Variants in PI4KB observed in about 807,000 individuals in gnomAD.
The protein encoded by PI4KB is phosphatidylinositol 4-kinase beta.
Under a neutral mutation model 81.4 loss-of-function variants are expected in PI4KB, and 23 were observed. That is an observed-to-expected ratio of 0.28 (90% CI 0.20 to 0.40). The LOEUF is 0.40. PI4KB is among the 10% of genes least tolerant of loss of function. The probability of loss-of-function intolerance (pLI) is 1.00; values close to 1 mark genes in which losing one functional copy is unlikely to be tolerated. For missense variants in PI4KB, 651 were observed against 1,036.6 expected, an observed-to-expected ratio of 0.63 and a Z score of 5.11; for synonymous variants, 381 against 406.8, an observed-to-expected ratio of 0.94 and a Z score of 0.76.
At position 151,306,301 on chromosome 1, in the gene PI4KB, A is replaced by G. The variant is rs376782190; in HGVS notation, c.1245T>C (p.Pro415=). ...GAATTCGGTTCTCGGGGATCCGGGC[A>G]GGGACACTGGTGGTGTCAAAGTTTT... is the stretch of plus-strand genomic sequence containing the variant. The part of the protein sequence containing the change: ...ECENFDTTSV[P]ARIPENRIRS... The change falls in exon 5 of 12, where the codon CCT becomes CCC. Residue 415 remains proline (P), a synonymous_variant. Coordinates refer to ENST00000368873, the MANE Select transcript of PI4KB (RefSeq NM_001369623.2). The G allele has an allele frequency of 1.6e-5, 26 of 1,614,074 alleles. No individual in the cohort carries two copies. In the African/African-American group the frequency reaches 2.4e-4, roughly 15 times the overall value.
chr1:151,318,323 C>T (rs939927460), intron 1 of PI4KB, among the ~76,000 whole-genome samples: 2 of 147,630 alleles, frequency 1.4e-5, no homozygotes, highest in Admixed American at 6.8e-5. Flanking sequence ...AGGCTGAGGC[C>T]GGAGAATTGC....
intron 11 of PI4KB, chr1:151,293,520 T>G (rs758555611): frequency 2.3e-5 from 19 of 828,360 alleles, no homozygotes; most frequent in Non-Finnish European, 3.1e-5. Flanking sequence ...AGACCTGGTA[T>G]ACACCTGGAG....
chr1:151,315,513 C>T lies in PI4KB; in HGVS notation c.909+60G>A, dbSNP rs2101990830. The T allele has an allele frequency of 2.7e-6, 3 of 1,102,320 alleles. No homozygotes were observed. The East Asian group carries it at 7.0e-5, about 26-fold the overall frequency. 68.3% of individuals were successfully genotyped at this position (1,102,320 alleles called of 1,614,324 possible). ...CGTAACCCTGTGTGTATATAGGAGG[C>T]ATCCTGTCTCCATGCAGCCCTCTAC... On this transcript the variant is annotated intron_variant, in intron 2 of 11. Transcript: ENST00000368873.
chr1:151,293,919 T>G, intron 11 of PI4KB, 99 bp downstream of exon 11: 1 of 1,368,382 alleles, frequency 7.3e-7, no homozygotes, highest in Non-Finnish European at 1.0e-6. Context: ...CCCCCCTCCC[T>G]CAACCGAGTC....
At chr1:151,299,611 A>T (rs1400912954) in intron 8 of PI4KB, among the ~76,000 whole-genome samples, 1 of 151,854 alleles carries the variant, frequency 6.6e-6, no homozygotes, top group East Asian at 1.9e-4. Flanking sequence ...AATCGCTTGA[A>T]CCCAGGAGGT....
chr1:151,302,286 C>T lies in PI4KB; in HGVS notation c.1533G>A (p.Ser511=), dbSNP rs370036822. The part of the protein sequence containing the change: ...IAAGDIRRRL[S]EQLAHTPTAF... ...CTGTCGGGGTATGAGCCAGCTGTTCCGAAAGGCGCCGGCTGGCAGGAAGAA... is the reference window on the plus strand; with the variant it reads ...CTGTCGGGGTATGAGCCAGCTGTTCTGAAAGGCGCCGGCTGGCAGGAAGAA... The change falls in exon 7 of 12, where the codon TCG becomes TCA. Residue 511 remains serine (S), a synonymous_variant. Coordinates refer to ENST00000368873, the MANE Select transcript of PI4KB (RefSeq NM_001369623.2). 8.7e-5 allele frequency: 141 copies of T among 1,613,852 alleles called. No homozygotes were observed. The highest frequency in any genetic ancestry group is 3.8e-4 in the South Asian group (35 of 91,078).
chr1:151,318,660 C>T (rs1302956752), intron 1 of PI4KB, among the ~76,000 whole-genome samples: 2 of 151,892 alleles, frequency 1.3e-5, no homozygotes, highest in Non-Finnish European at 1.5e-5. Context: ...TGTGGTGAGC[C>T]GAGATCGCAC....
chr1:151,298,056 C>T (rs895004101), intron 9 of PI4KB, among the ~76,000 whole-genome samples: 1 of 152,238 alleles, frequency 6.6e-6, no homozygotes, highest in South Asian at 2.1e-4. Flanking sequence ...ATGTGCCTCA[C>T]CTATATGTGT....
chr1:151,316,534 G>C, intron 1 of PI4KB, 25 bp from the exon 2 acceptor site: 1 of 1,485,060 alleles, frequency 6.7e-7, no homozygotes, highest in Non-Finnish European at 9.0e-7. Context: ...AGGGAGAAAA[G>C]AACAGAAAGG....
chr1:151,304,010 G>A (rs1347237285), intron 5 of PI4KB, among the ~76,000 whole-genome samples: 2 of 152,280 alleles, frequency 1.3e-5, no homozygotes, highest in Non-Finnish European at 2.9e-5. Context: ...CAGCCTCACT[G>A]AGAGTCCCCC....
At chr1:151,294,334 G>T in intron 10 of PI4KB, 75 bp downstream of exon 10, 1 of 1,548,756 alleles carries the variant, frequency 6.5e-7, no homozygotes, top group Non-Finnish European at 8.8e-7. Flanking sequence ...TTTGCAGGGA[G>T]CCCATCAGCT....
chr1:151,324,769 C>T (rs949746186), intron 1 of PI4KB: 5 of 985,260 alleles, frequency 5.1e-6, no homozygotes, highest in African/African-American at 3.5e-5. Flanking sequence ...TTCCTCCCTA[C>T]TGCGAGTCCC....
intron 1 of PI4KB, among the ~76,000 whole-genome samples, chr1:151,321,744 G>A (rs1217394300): frequency 6.6e-6 from 1 of 151,276 alleles, no homozygotes; most frequent in Admixed American, 6.6e-5. Context: ...ATGGTGGTGG[G>A]CACCTGTAGT....
At chr1:151,301,483 C>T (rs1326491454) in intron 8 of PI4KB, among the ~76,000 whole-genome samples, 7 of 152,272 alleles carry the variant, frequency 4.6e-5, no homozygotes, top group African/African-American at 9.6e-5. Context: ...CTGCAAGCTC[C>T]GCCTCCCGGG....
rs1695887202 is a variant in PI4KB, at chr1:151,307,615, C to T, written c.1141G>A (p.Val381Ile). The T allele has an allele frequency of 6.2e-7, 1 of 1,614,120 alleles. No individual in the cohort carries two copies. Among genetic ancestry groups the T allele is most frequent in the East Asian group, 2.2e-5 (1 of 44,874 alleles). Residue 381 changes from valine (V) to isoleucine (I), a missense_variant, in exon 4 of 12, where the codon GTA (valine) becomes ATA (isoleucine). By Grantham distance (29) the Val-to-Ile change is conservative. Around this residue, in one of 5 missense-constraint regions of PI4KB, gnomAD observed 246 missense variants for 430.1 expected, o/e 0.57. Transcript: ENST00000368873. ...TAGFDHHVVR[V>I]PHTQAVVLNS... ...AGGACAACAGCCTGTGTGTGGGGTA[C>T]ACGGACCACGTGGTGGTCAAAGCCA...
chr1:151,308,854 G>A (rs982090769), intron 3 of PI4KB, among the ~76,000 whole-genome samples: 4 of 152,184 alleles, frequency 2.6e-5, no homozygotes, highest in Non-Finnish European at 4.4e-5. Context: ...CTCCCTTTCC[G>A]TGTGTCTTGC....
chr1:151,319,592 A>G (rs1364336524), intron 1 of PI4KB, among the ~76,000 whole-genome samples: 1 of 152,116 alleles, frequency 6.6e-6, no homozygotes, highest in East Asian at 1.9e-4. Context: ...AACAAAGAAC[A>G]CCTCCTCTGG....
At chr1:151,309,134 G>C (rs1179072739) in intron 3 of PI4KB, among the ~76,000 whole-genome samples, 3 of 152,156 alleles carry the variant, frequency 2.0e-5, no homozygotes, top group Middle Eastern at 3.2e-3. Flanking sequence ...GGGTTTCTAA[G>C]GTCCCTGGAA....
In PI4KB at chr1:151,306,259, T is replaced by C. The variant is rs762484079; in HGVS notation, c.1287A>G (p.Val429=). 15 of 1,614,020 alleles carry C rather than the reference T, an allele frequency of 9.3e-6. No homozygotes were observed. Among genetic ancestry groups the C allele is most frequent in the Non-Finnish European group, 1.3e-5 (15 of 1,180,022 alleles). The change falls in exon 5 of 12, where the codon GTA becomes GTG. Residue 429 remains valine (V), a synonymous_variant. Transcript: ENST00000368873. ...PENRIRSTRS[V]ENLPECGITH... ...TAATACCACATTCGGGCAAGTTTTC[T>C]ACGGACCTCGTACTCCGAATTCGGT...
Sources: allele counts gnomAD v4.1 joint callset (sites outside exome capture counted in the v4.1 genomes callset), GRCh38; gene constraint gnomAD v4.1.1; regional missense constraint gnomAD v4.1.1; transcripts MANE v1.5; gene names NCBI Gene and HGNC (gene_info 2026-07-23, HGNC 2026-07-21).